Variants in CTNND2 observed in about 807,000 individuals in gnomAD.
CTNND2 encodes the protein catenin delta-2.
Under a neutral mutation model 144.4 loss-of-function variants are expected in CTNND2, and 22 were observed. The observed-to-expected ratio is 0.15, with a 90% CI of 0.11 to 0.22. The LOEUF (loss-of-function observed/expected upper bound fraction) is 0.22, where lower values mean the gene tolerates loss of function less well. Among genes scored for constraint, CTNND2 ranks in the 10% least tolerant of loss-of-function variants. The pLI, the probability that CTNND2 is intolerant of heterozygous loss-of-function variation, is 1.00. For missense variants in CTNND2, 1,353 were observed against 1,618.8 expected (o/e 0.84, Z 2.82); for synonymous variants, 751 against 695.6 (o/e 1.08, Z -1.25).
intron 1 of CTNND2, among the ~76,000 whole-genome samples, chr5:11,894,120 C>CA (rs954116486): frequency 6.6e-6 from 1 of 151,986 alleles, no homozygotes; most frequent in African/African-American, 2.4e-5. Context: ...GGAAATATCT[C>CA]AAAAAATGGA....
intron 2 of CTNND2, among the ~76,000 whole-genome samples, chr5:11,696,568 A>G (rs565398823): frequency 6.6e-6 from 1 of 152,212 alleles, no homozygotes; most frequent in Non-Finnish European, 1.5e-5. Flanking sequence ...GATATTTTTA[A>G]TAATTTGCAT....
chr5:11,458,734 G>A (rs554442361), intron 3 of CTNND2, among the ~76,000 whole-genome samples: 9 of 152,144 alleles, frequency 5.9e-5, no homozygotes, highest in African/African-American at 7.2e-5. Flanking sequence ...TTATGGTGCC[G>A]GTCTAACTCA....
chr5:11,826,138 T>G (rs972447561), intron 1 of CTNND2, among the ~76,000 whole-genome samples: 1 of 151,958 alleles, frequency 6.6e-6, no homozygotes, highest in Non-Finnish European at 1.5e-5. Context: ...AACGTTGACA[T>G]AAGCAAAAAT....
At chr5:11,654,884 G>A (rs973056936) in intron 2 of CTNND2, among the ~76,000 whole-genome samples, 5 of 151,982 alleles carry the variant, frequency 3.3e-5, no homozygotes, top group African/African-American at 9.7e-5. Flanking sequence ...GTTAGTTGCA[G>A]CCTTGTCATA....
At chr5:11,083,035 T>G (rs564735055) in intron 15 of CTNND2, among the ~76,000 whole-genome samples, 189 bp from the exon 16 acceptor site, 1 of 152,322 alleles carries the variant, frequency 6.6e-6, no homozygotes, top group South Asian at 2.1e-4. Flanking sequence ...TGCCTTCAAC[T>G]TGGGGACAAA....
intron 2 of CTNND2, among the ~76,000 whole-genome samples, chr5:11,634,479 T>C (rs923635462): frequency 2.0e-5 from 3 of 152,154 alleles, no homozygotes; most frequent in African/African-American, 7.2e-5. Context: ...ATTTCTCCAG[T>C]TCTGCCTCTA....
chr5:11,667,431 G>C (rs1783630998), intron 2 of CTNND2, among the ~76,000 whole-genome samples: 1 of 152,146 alleles, frequency 6.6e-6, no homozygotes, highest in African/African-American at 2.4e-5. Context: ...AGTATCTGTT[G>C]TTTCCTGACT....
chr5:11,186,704 T>G (rs961618646), intron 11 of CTNND2, among the ~76,000 whole-genome samples: 1 of 152,210 alleles, frequency 6.6e-6, no homozygotes, highest in Non-Finnish European at 1.5e-5. Flanking sequence ...AGGGTATTGC[T>G]AAATGTGTGG....
At chr5:11,846,598 G>C (rs1486851924) in intron 1 of CTNND2, among the ~76,000 whole-genome samples, 1 of 151,982 alleles carries the variant, frequency 6.6e-6, no homozygotes. Flanking sequence ...AGACTAATGG[G>C]ATTACATCAA....
chr5:11,488,151 T>G (rs1441394648), intron 3 of CTNND2, among the ~76,000 whole-genome samples: 1 of 152,234 alleles, frequency 6.6e-6, no homozygotes, highest in African/African-American at 2.4e-5. Flanking sequence ...ACTTACTTAG[T>G]ATTTCTTAAA....
At chr5:11,362,186 AGAT>A (rs1323598371) in intron 8 of CTNND2, among the ~76,000 whole-genome samples, 1 of 145,118 alleles carries the variant, frequency 6.9e-6, no homozygotes, top group Non-Finnish European at 1.5e-5. Context: ...ACCCCCACAA[AGAT>A]ATTGGGAAGC....
At chr5:11,740,332 C>T (rs1355519926) in intron 1 of CTNND2, among the ~76,000 whole-genome samples, 4 of 151,844 alleles carry the variant, frequency 2.6e-5, no homozygotes, top group Non-Finnish European at 4.4e-5. Flanking sequence ...GTACTGGTAC[C>T]AAAACAGACG....
chr5:11,797,746 T>C (rs1205029159), intron 1 of CTNND2, among the ~76,000 whole-genome samples: 1 of 152,208 alleles, frequency 6.6e-6, no homozygotes, highest in Non-Finnish European at 1.5e-5. Flanking sequence ...ATTTCTGGAT[T>C]TGCATTTTAT....
intron 21 of CTNND2, among the ~76,000 whole-genome samples, chr5:10,979,647 C>T (rs1407934834): frequency 6.6e-6 from 1 of 152,194 alleles, no homozygotes; most frequent in African/African-American, 2.4e-5. Context: ...CAGAGTAACA[C>T]ACACATATAC....
At chr5:11,677,789 C>A (rs995385506) in intron 2 of CTNND2, among the ~76,000 whole-genome samples, 3 of 152,122 alleles carry the variant, frequency 2.0e-5, no homozygotes, top group East Asian at 1.9e-4. Context: ...ACATAAAACA[C>A]CTAGATTTCA....
At chr5:11,259,567 G>A (rs983201570) in intron 9 of CTNND2, among the ~76,000 whole-genome samples, 2 of 152,214 alleles carry the variant, frequency 1.3e-5, no homozygotes, top group Admixed American at 1.3e-4. Context: ...AGAATCATGA[G>A]AGGTGAAGAT....
At chr5:11,891,727 G>T (rs149278538) in intron 1 of CTNND2, among the ~76,000 whole-genome samples, 1 of 152,160 alleles carries the variant, frequency 6.6e-6, no homozygotes, top group African/African-American at 2.4e-5. Context: ...AGACATTCCA[G>T]CCTCTAAAAC....
At chr5:11,119,907 C>A (rs540842818) in intron 12 of CTNND2, among the ~76,000 whole-genome samples, 1 of 152,254 alleles carries the variant, frequency 6.6e-6, no homozygotes, top group East Asian at 1.9e-4. Context: ...TGGAGGCAGG[C>A]TGCCTCCCAA....
At chr5:11,197,933 T>G (rs1217605207) in intron 11 of CTNND2, among the ~76,000 whole-genome samples, 1 of 152,222 alleles carries the variant, frequency 6.6e-6, no homozygotes, top group African/African-American at 2.4e-5. Context: ...TCTTTTCAAA[T>G]CATAAATGAA....
Sources: allele counts gnomAD v4.1 joint callset (sites outside exome capture counted in the v4.1 genomes callset), GRCh38; gene constraint gnomAD v4.1.1; transcripts MANE v1.5; gene names NCBI Gene and HGNC (gene_info 2026-07-23, HGNC 2026-07-21).